The following PARK7 variants were observed in gnomAD, a reference collection of about 807,000 sequenced individuals.
PARK7 encodes the protein Parkinson disease protein 7.
A neutral mutation model predicts 20.5 loss-of-function variants in PARK7; 14 were observed. The ratio of observed to expected loss-of-function variants is 0.68; its 90% confidence interval spans 0.45 to 1.07. The LOEUF (loss-of-function observed/expected upper bound fraction) is 1.07. PARK7 is among the 50% of genes least tolerant of loss of function. The pLI is 0.00. For missense variants in PARK7, 234 were observed against 238.1 expected, an observed-to-expected ratio of 0.98 and a Z score of 0.11; for synonymous variants, 98 against 84.3, an observed-to-expected ratio of 1.16 and a Z score of -0.89.
chr1:7,980,458 A>C (rs1640687620), intron 6 of PARK7, among the ~76,000 whole-genome samples: 1 of 152,118 alleles, frequency 6.6e-6, no homozygotes, highest in Admixed American at 6.5e-5. Flanking sequence ...TGGAGTTTAC[A>C]AAGCACGTTC....
chr1:7,978,092 G>T (rs774156750), intron 6 of PARK7, among the ~76,000 whole-genome samples: 1 of 144,920 alleles, frequency 6.9e-6, no homozygotes, highest in Non-Finnish European at 1.5e-5. Flanking sequence ...CGCCTCCCGG[G>T]TTCAAGTGAT....
intron 3 of PARK7, among the ~76,000 whole-genome samples, chr1:7,965,836 G>A (rs1166738860): frequency 6.6e-6 from 1 of 152,004 alleles, no homozygotes; most frequent in African/African-American, 2.4e-5. Flanking sequence ...TAGAGGAATG[G>A]TCCCACTCTC....
chr1:7,971,255 C>T (rs774053319), intron 5 of PARK7: 1 of 448,232 alleles, frequency 2.2e-6, no homozygotes, highest in Non-Finnish European at 4.1e-6. Flanking sequence ...CAGCTTGTTA[C>T]AGCAAGTCTC....
chr1:7,967,705 G>C (rs1640358120), intron 3 of PARK7, among the ~76,000 whole-genome samples: 1 of 151,682 alleles, frequency 6.6e-6, no homozygotes. Context: ...GATTACCTGA[G>C]CCCAGGAGTT....
rs1578101786 is a variant in PARK7, at chr1:7,977,707, C to T, written c.378C>T (p.His126=). 6 of 1,614,120 alleles carry T rather than the reference C, an allele frequency of 3.7e-6. No individual in the cohort carries two copies. Among genetic ancestry groups the T allele is most frequent in the Non-Finnish European group, 4.2e-6 (5 of 1,179,980 alleles). ...GTTTTGGAAGTAAAGTTACAACACACCCTCTTGCTAAAGACAAAATGATGA... is the reference window on the plus strand; with the variant it reads ...GTTTTGGAAGTAAAGTTACAACACATCCTCTTGCTAAAGACAAAATGATGA... ...EIGFGSKVTT[H]PLAKDKMMNG... The change falls in exon 6 of 7, where the codon CAC becomes CAT. Residue 126 remains histidine (H), a synonymous_variant. Transcript: ENST00000338639.
In PARK7 at chr1:7,974,134, A is replaced by ACC. The variant is rs373742818; in HGVS notation, c.322+3177_322+3178dup. Among the ~76,000 whole-genome samples the ACC allele has an allele frequency of 8.3e-3, 1,069 of 129,076 alleles. 51 individuals carry two copies. Among genetic ancestry groups the ACC allele is most frequent in the South Asian group, 0.019 (76 of 4,002 alleles). 84.7% of individuals were successfully genotyped at this position (129,076 alleles called of 152,430 possible). A position where few individuals can be genotyped will look rare whatever the true frequency, so the allele number is the denominator to read the frequency against. Reference sequence around the variant, plus strand: ...AGACCAGCCTGGGCAACATAGTGAGACCCCCCCACCGACCTCTACAAAAAA... The same window carrying ACC: ...AGACCAGCCTGGGCAACATAGTGAGACCCCCCCCCACCGACCTCTACAAAAAA... On this transcript the variant is annotated intron_variant, in intron 5 of 6. Transcript: ENST00000338639.
chr1:7,984,372 G>C lies in PARK7; in HGVS notation c.410-522G>C, dbSNP rs1018273179. Among the ~76,000 whole-genome samples, 1 of 152,166 alleles carries C rather than the reference G, an allele frequency of 6.6e-6. No homozygotes were observed. Among genetic ancestry groups the C allele is most frequent in the African/African-American group, 2.4e-5 (1 of 41,422 alleles). On this transcript the variant is annotated intron_variant, in intron 6 of 6. Transcript: ENST00000338639. The surrounding 1 kb of genome is among the most constrained non-coding windows in gnomAD (Gnocchi z 4.3). ...GGCGGGCCTGGAGGTGCGGGGATGC[G>C]GAAGGAAAGTAGTCCTTGAGAGGGA...
At chr1:7,981,002 C>G (rs1022064566) in intron 6 of PARK7, among the ~76,000 whole-genome samples, 1 of 152,118 alleles carries the variant, frequency 6.6e-6, no homozygotes, top group Non-Finnish European at 1.5e-5. Context: ...GCTACCAGCT[C>G]CAGTCCCCAT....
intron 6 of PARK7, among the ~76,000 whole-genome samples, chr1:7,981,082 G>T (rs1219828442): frequency 6.6e-6 from 1 of 152,064 alleles, no homozygotes; most frequent in African/African-American, 2.4e-5. Context: ...TTTCTCATTT[G>T]TCCACTGTTT....
At chr1:7,963,617 C>T (rs938164828) in intron 2 of PARK7, among the ~76,000 whole-genome samples, 5 of 151,770 alleles carry the variant, frequency 3.3e-5, no homozygotes, top group Non-Finnish European at 5.9e-5. Flanking sequence ...TCAAGTGACC[C>T]GCCCGCCTTA....
At chr1:7,970,048 A>G (rs1040433973) in intron 4 of PARK7, among the ~76,000 whole-genome samples, 8 of 152,122 alleles carry the variant, frequency 5.3e-5, no homozygotes. Context: ...TCTTTTAATT[A>G]GCTGGGCACG....
intron 6 of PARK7, among the ~76,000 whole-genome samples, chr1:7,980,068 GGA>G (rs1170258733): frequency 2.8e-4 from 42 of 151,876 alleles, no homozygotes; most frequent in African/African-American, 9.4e-4. Context: ...GGCTGAGGCA[GGA>G]GAGTGGCGTG....
intron 5 of PARK7, among the ~76,000 whole-genome samples, chr1:7,977,115 C>A (rs1347060487): frequency 2.0e-5 from 3 of 152,184 alleles, no homozygotes; most frequent in Non-Finnish European, 2.9e-5. Context: ...GTAACTAAAT[C>A]TTTCCTTTTA....
At chr1:7,968,165 G>A (rs1234252453) in intron 3 of PARK7, among the ~76,000 whole-genome samples, 2 of 151,364 alleles carry the variant, frequency 1.3e-5, no homozygotes, top group Non-Finnish European at 2.9e-5. Context: ...CAGATTAGCC[G>A]GGCACAGTGG....
chr1:7,969,281 T>C (rs1640399968), intron 3 of PARK7, 64 bp from the exon 4 acceptor site: 6 of 1,321,488 alleles, frequency 4.5e-6, no homozygotes, highest in Non-Finnish European at 6.5e-6. Context: ...ATTATTGGAC[T>C]GTCAATTTAA....
intron 3 of PARK7, among the ~76,000 whole-genome samples, chr1:7,967,686 A>C (rs1330223986): frequency 1.3e-5 from 2 of 152,176 alleles, no homozygotes; most frequent in Admixed American, 6.5e-5. Flanking sequence ...TGTGAGGCTG[A>C]GGCAGGAGGA....
At chr1:7,980,185 T>C (rs1640682093) in intron 6 of PARK7, among the ~76,000 whole-genome samples, 1 of 151,386 alleles carries the variant, frequency 6.6e-6, no homozygotes, top group African/African-American at 2.4e-5. Flanking sequence ...AAATTGGTAC[T>C]TTTTAATAAA....
At position 7,969,387 on chromosome 1, in the gene PARK7, G is replaced by A. The variant is rs45601537; in HGVS notation, c.235G>A (p.Ala79Thr). ...VVVLPGGNLG[A>T]QNLSESAAVK... ...GGTTCTACCAGGAGGTAATCTGGGC[G>A]CACAGAATTTATCTGAGGTAAAAAA... The change falls in exon 4 of 7, where the codon GCA becomes ACA. Residue 79 changes from alanine to threonine, a missense_variant. Ala to Thr is a moderately conservative substitution (Grantham distance 58, BLOSUM62 0). Coordinates refer to ENST00000338639, the MANE Select transcript of PARK7 (RefSeq NM_007262.5). The A allele has an allele frequency of 1.8e-5, 28 of 1,560,514 alleles. 1 individual carries two copies. The highest frequency in any genetic ancestry group is 5.1e-5 in the Admixed American group (3 of 58,802).
At chr1:7,969,543 C>T in intron 4 of PARK7, 139 bp downstream of exon 4, 1 of 715,916 alleles carries the variant, frequency 1.4e-6, no homozygotes, top group South Asian at 1.7e-5. Context: ...AAAATAGAAA[C>T]AACTAAAATT....
Sources: allele counts gnomAD v4.1 joint callset (sites outside exome capture counted in the v4.1 genomes callset), GRCh38; gene constraint gnomAD v4.1.1; non-coding constraint Gnocchi (gnomAD v3.1); transcripts MANE v1.5; gene names NCBI Gene and HGNC (gene_info 2026-07-23, HGNC 2026-07-21).